The following KLHL13 variants were observed in gnomAD, a reference collection of about 807,000 sequenced individuals.
KLHL13 encodes kelch-like protein 13.
In KLHL13, 10 loss-of-function variants were observed where a neutral mutation model predicts 37.1. The ratio of observed to expected loss-of-function variants is 0.27; its 90% CI spans 0.17 to 0.46. The LOEUF is 0.46. Among genes scored for constraint, KLHL13 ranks in the 20% least tolerant of loss-of-function variants. KLHL13 has a pLI of 1.00. For missense variants in KLHL13, 360 were observed against 509.3 expected (o/e 0.71, Z 2.82); for synonymous variants, 163 against 181.2 (o/e 0.90, Z 0.81).
intron 2 of KLHL13, among the ~76,000 whole-genome samples, chrX:117,936,031 T>C (rs746343852): frequency 9.0e-6 from 1 of 111,524 alleles, no homozygotes; most frequent in East Asian, 2.8e-4. Flanking sequence ...TTTTAAAAAC[T>C]GAAGGTGCTA....
At chrX:118,089,416 C>T (rs761607674) in intron 1 of KLHL13, among the ~76,000 whole-genome samples, 31 of 108,996 alleles carry the variant, frequency 2.8e-4, no homozygotes, top group African/African-American at 1.0e-3. Context: ...GAAAAACCAC[C>T]CTCTTAGGTA....
chrX:118,093,305 TATC>T (rs1312833618), intron 1 of KLHL13, among the ~76,000 whole-genome samples: 1 of 112,006 alleles, frequency 8.9e-6, no homozygotes, highest in Non-Finnish European at 1.9e-5. Context: ...TATTAAATCT[TATC>T]ATATTCTAGG....
At chrX:118,065,623 C>T (rs1226231523) in intron 1 of KLHL13, among the ~76,000 whole-genome samples, 1 of 111,566 alleles carries the variant, frequency 9.0e-6, no homozygotes, top group Non-Finnish European at 1.9e-5. Context: ...AAAGGACTCA[C>T]ATAAAAAGAA....
chrX:118,072,300 C>T (rs1455535008), intron 1 of KLHL13, among the ~76,000 whole-genome samples: 35 of 112,714 alleles, frequency 3.1e-4, no homozygotes, highest in African/African-American at 1.1e-3. Flanking sequence ...AAACTGGATC[C>T]CTTCCTTACA....
intron 1 of KLHL13, among the ~76,000 whole-genome samples, chrX:118,081,001 AAC>A (rs1003553262): frequency 7.2e-5 from 8 of 111,808 alleles, no homozygotes; most frequent in Admixed American, 1.9e-4. Context: ...CAAGCGAATT[AAC>A]ACAGGAACAG....
At chrX:117,938,507 C>T (rs758719215) in intron 2 of KLHL13, among the ~76,000 whole-genome samples, 131 of 111,023 alleles carry the variant, frequency 1.2e-3, no homozygotes, top group Non-Finnish European at 2.0e-3. Context: ...GGTTTGGGAC[C>T]TAGCGTTCAG....
rs151173360 is a variant in KLHL13 at position 117,924,020 on chromosome X, T to C, written c.241-3650A>G. Among the ~76,000 whole-genome samples the C allele has an allele frequency of 9.3e-3, 1,040 of 112,001 alleles. 17 individuals are homozygous for C. Among genetic ancestry groups the C allele is most frequent in the African/African-American group, 0.031 (965 of 30,877 alleles). On this transcript the variant is annotated intron_variant, in intron 2 of 6. Transcript: ENST00000262820. ...TGCTTTTGTAAGGTTTTACATTTAT[T>C]TTCACAACATACAGTGTCCCTTTCT... is the stretch of plus-strand genomic sequence containing the variant.
At chrX:118,084,448 A>G (rs1464208146) in intron 1 of KLHL13, among the ~76,000 whole-genome samples, 2 of 112,286 alleles carry the variant, frequency 1.8e-5, no homozygotes, top group South Asian at 3.7e-4. Context: ...CAATGCTACA[A>G]AGATTCAAAA....
At chrX:118,069,082 T>C (rs1474485220) in intron 1 of KLHL13, among the ~76,000 whole-genome samples, 1 of 102,462 alleles carries the variant, frequency 9.8e-6, no homozygotes, top group Non-Finnish European at 1.9e-5. Flanking sequence ...CCCTGCATCC[T>C]GGTGAAAACA....
chrX:117,960,438 G>C (rs1474359941), intron 1 of KLHL13, among the ~76,000 whole-genome samples: 4 of 110,215 alleles, frequency 3.6e-5, no homozygotes, highest in Non-Finnish European at 5.7e-5. Flanking sequence ...GTCCTCACCT[G>C]TTATTTAACT....
chrX:118,079,200 T>C (rs1313476681), intron 1 of KLHL13, among the ~76,000 whole-genome samples: 1 of 110,602 alleles, frequency 9.0e-6, no homozygotes, highest in East Asian at 2.8e-4. Context: ...GAAATGTGAA[T>C]ATCCGAGAAG....
Position 117,919,384 on chromosome X carries a change from C to A in KLHL13, c.570+137G>T, listed in dbSNP as rs1018858724. 9 of 527,097 alleles carry A rather than the reference C, an allele frequency of 1.7e-5. No individual in the cohort carries two copies. The African/African-American group carries it at 2.1e-4, about 13-fold the overall frequency. 43.4% of individuals were successfully genotyped at this position (527,097 alleles called of 1,213,427 possible). On this transcript the variant is annotated intron_variant, in intron 4 of 6. Transcript: ENST00000262820. ...AAAAATGCACCTGTTTCAATCTCAC[C>A]TTGCTTACAGACCACATACAACAAG...
chrX:117,951,797 A>G (rs774333597), intron 1 of KLHL13, among the ~76,000 whole-genome samples: 32 of 112,524 alleles, frequency 2.8e-4, no homozygotes, highest in African/African-American at 9.0e-4. Context: ...TGTGCCAGGC[A>G]CATTCTAGTA....
At chrX:118,037,831 G>C (rs769559439) in intron 1 of KLHL13, among the ~76,000 whole-genome samples, 31 of 111,924 alleles carry the variant, frequency 2.8e-4, no homozygotes, top group African/African-American at 8.8e-4. Context: ...GATCAGTTAA[G>C]AAAGTTCTTC....
Position 118,074,515 on chromosome X carries a change from T to C in KLHL13, c.-56+41993A>G, listed in dbSNP as rs867319439. On this transcript the variant is annotated intron_variant, in intron 1 of 6. Transcript: ENST00000371882. Reference sequence around the variant, plus strand: ...ACTCCTTTGGATTATGCTGCTGCTTTCTGTATGAGCTGGCTGGAGCAAGAT... The same window carrying C: ...ACTCCTTTGGATTATGCTGCTGCTTCCTGTATGAGCTGGCTGGAGCAAGAT... Among the ~76,000 whole-genome samples the C allele has an allele frequency of 6.3e-5, 7 of 111,879 alleles. No homozygotes were observed. The South Asian group carries it at 1.5e-3, about 24-fold the overall frequency.
intron 1 of KLHL13, among the ~76,000 whole-genome samples, chrX:117,963,098 TA>T (rs1207441974): frequency 4.5e-5 from 5 of 112,216 alleles, no homozygotes; most frequent in Non-Finnish European, 9.4e-5. Context: ...AACTTGTTTT[TA>T]TTTTTTTGTT....
intron 1 of KLHL13, among the ~76,000 whole-genome samples, chrX:118,069,430 A>C (rs1193050286): frequency 1.8e-5 from 2 of 108,490 alleles, no homozygotes; most frequent in African/African-American, 6.7e-5. Flanking sequence ...TAAAAAAAAA[A>C]AAAAAAAAAA....
chrX:118,015,197 C>T (rs2054114312), intron 1 of KLHL13, among the ~76,000 whole-genome samples: 2 of 111,463 alleles, frequency 1.8e-5, no homozygotes, highest in African/African-American at 6.5e-5. Flanking sequence ...CACCCTTAAC[C>T]ACACTACTAT....
Position 118,096,975 on chromosome X carries a change from C to A in KLHL13, c.-56+19533G>T, listed in dbSNP as rs767716862. On this transcript the variant is annotated intron_variant, in intron 1 of 6. Transcript: ENST00000371882. ...TGACAAACCCACAGCCAATATCATA[C>A]TGAATGGGCAAAAACTGGAAGCATT... Among the ~76,000 whole-genome samples the A allele has an allele frequency of 3.6e-5, 4 of 110,947 alleles. No individual in the cohort carries two copies. The East Asian group carries it at 1.1e-3, about 31-fold the overall frequency.
Sources: gnomAD v4.1 joint callset for allele counts (sites outside exome capture counted in the v4.1 genomes callset) on GRCh38, gnomAD v4.1.1 for gene constraint, MANE v1.5 for transcripts, NCBI Gene and HGNC (gene_info 2026-07-23, HGNC 2026-07-21) for gene names.